Variants in TCF25 observed in about 807,000 individuals in gnomAD.
The protein encoded by TCF25 is TCF25 ribosome quality control complex subunit, also known as ribosome quality control complex subunit TCF25.
In TCF25, 41 loss-of-function variants were observed where a neutral mutation model predicts 83.1. That is an observed-to-expected ratio of 0.49 (90% CI 0.38 to 0.64). The LOEUF is 0.64. Among genes scored for constraint, TCF25 ranks in the 30% least tolerant of loss-of-function variants. TCF25 has a pLI of 0.00. For synonymous variants in TCF25, 458 were observed against 365.0 expected (o/e 1.25, Z -2.90); for missense variants, 979 against 914.5 (o/e 1.07, Z -0.91).
chr16:89,899,281 T>C (rs1361656519), intron 11 of TCF25, among the ~76,000 whole-genome samples: 2 of 152,196 alleles, frequency 1.3e-5, no homozygotes, highest in East Asian at 3.9e-4. Context: ...AGCACGTCTG[T>C]CCTGTTCCAT....
chr16:89,891,725 G>T (rs1288398033), intron 5 of TCF25, among the ~76,000 whole-genome samples: 1 of 152,186 alleles, frequency 6.6e-6, no homozygotes, highest in African/African-American at 2.4e-5. Context: ...TTAGTACGTT[G>T]TTCTCTTTCT....
intron 16 of TCF25, among the ~76,000 whole-genome samples, chr16:89,908,681 A>T (rs1035484269): frequency 3.0e-3 from 33 of 10,972 alleles, no homozygotes; most frequent in East Asian, 9.5e-3. Flanking sequence ...CCCTCCTCCC[A>T]GCTCCCACCT....
chr16:89,910,688 T>C, intron 17 of TCF25, 25 bp downstream of exon 17: 8 of 1,611,726 alleles, frequency 5.0e-6, no homozygotes, highest in Middle Eastern at 1.7e-4. Flanking sequence ...TCCCAGCCCC[T>C]GCCTCCCCAG....
At chr16:89,910,915 G>A (rs1003780868) in intron 17 of TCF25, among the ~76,000 whole-genome samples, 165 bp from the exon 18 acceptor site, 3 of 152,340 alleles carry the variant, frequency 2.0e-5, no homozygotes, top group Admixed American at 6.5e-5. Flanking sequence ...GTCTAGACAC[G>A]GCATTTGGTT....
intron 5 of TCF25, among the ~76,000 whole-genome samples, chr16:89,888,953 C>G (rs2043219797): frequency 6.7e-6 from 1 of 149,446 alleles, no homozygotes; most frequent in African/African-American, 2.5e-5. Flanking sequence ...TCCCAAAGTG[C>G]TGGGATTACA....
chr16:89,873,613 C>T lies in TCF25; in HGVS notation c.-55C>T. The T allele has an allele frequency of 2.1e-6, 3 of 1,443,444 alleles. No individual in the cohort carries two copies. Among genetic ancestry groups the T allele is most frequent in the South Asian group, 1.4e-5 (1 of 68,982 alleles). The allele number at this position is 1,443,444 out of a possible 1,614,324, so 89.4% of individuals were successfully genotyped here. A position where few individuals can be genotyped will look rare whatever the true frequency, so the allele number is the denominator to read the frequency against. On this transcript the variant is annotated 5_prime_UTR_variant, in exon 1 of 18. Coordinates refer to ENST00000263346, the MANE Select transcript of TCF25 (RefSeq NM_014972.3). ...AAGAGTGCGCAGGCGCGCCGACAGC[C>T]GAGTTTTCTGCGCTTCCTTCTCCCT...
intron 16 of TCF25, among the ~76,000 whole-genome samples, chr16:89,907,633 T>TCCTCC (rs2044999633): frequency 5.8e-5 from 1 of 17,234 alleles, no homozygotes; most frequent in Non-Finnish European, 1.2e-4. Context: ...CCCGCCTCCC[T>TCCTCC]CATCCTAGTT....
chr16:89,892,099 T>G, intron 5 of TCF25, 94 bp from the exon 6 acceptor site: 2 of 1,252,554 alleles, frequency 1.6e-6, no homozygotes, highest in Non-Finnish European at 1.1e-6. Context: ...CCCCTCAGTT[T>G]TGCTTCCACA....
chr16:89,884,448 T>G, intron 2 of TCF25, 134 bp from the exon 3 acceptor site: 1 of 831,634 alleles, frequency 1.2e-6, no homozygotes, highest in Non-Finnish European at 1.9e-6. Context: ...GAGAGTGAGT[T>G]GAAGGAACTT....
intron 14 of TCF25, among the ~76,000 whole-genome samples, chr16:89,905,565 TGTGCATCAGCACC>T (rs1234810553): frequency 6.6e-6 from 1 of 152,246 alleles, no homozygotes; most frequent in East Asian, 1.9e-4. Flanking sequence ...GTGCTAGTTC[TGTGCATCAGCACC>T]GTGGCTCTGT....
In TCF25 at chr16:89,911,093, A is replaced by T; in HGVS notation, c.1886A>T (p.Glu629Val). Residue 629 changes from glutamate (E) to valine (V), a missense_variant, in exon 18 of 18, where the codon GAG becomes GTG. Transcript: ENST00000263346. Reference protein sequence around the residue: ...PNYTMEGERPEEGVAGGLNRN... With the variant: ...PNYTMEGERPVEGVAGGLNRN... Reference sequence around the variant, plus strand: ...CCCTTGCTGCAGGGGGAGAGGCCCGAGGAAGGAGTGGCTGGGGGTCTGAAC... The same window carrying T: ...CCCTTGCTGCAGGGGGAGAGGCCCGTGGAAGGAGTGGCTGGGGGTCTGAAC... 1 of 1,610,982 alleles carries T rather than the reference A, an allele frequency of 6.2e-7. No individual in the cohort carries two copies. Among genetic ancestry groups the T allele is most frequent in the Non-Finnish European group, 8.5e-7 (1 of 1,179,832 alleles).
At chr16:89,879,410 C>T (rs1385368301) in intron 1 of TCF25, among the ~76,000 whole-genome samples, 5 of 143,276 alleles carry the variant, frequency 3.5e-5, no homozygotes, top group South Asian at 4.7e-4. Context: ...ACGTGTTGTC[C>T]GTGTACACAG....
chr16:89,878,434 ATTTTTT>A (rs34120033), intron 1 of TCF25: 35 of 1,006,020 alleles, frequency 3.5e-5, no homozygotes, highest in East Asian at 1.6e-4. Flanking sequence ...AAAAATCACC[ATTTTTT>A]TTTTTTTTTT....
Position 89,893,882 on chromosome 16 carries a change from A to G in TCF25, c.828+24A>G, listed in dbSNP as rs775585502. ...TGGTGCGTGGTCCCTGCAGCCCCTG[A>G]CAGGAGCAGGGGCCATGTAGCCACC... On this transcript the variant is annotated intron_variant, in intron 7 of 17. Transcript: ENST00000263346. 3 of 1,585,556 alleles carry G rather than the reference A, an allele frequency of 1.9e-6. No homozygotes were observed. The East Asian group carries it at 7.0e-5, about 37-fold the overall frequency.
chr16:89,888,830 C>T lies in TCF25; in HGVS notation c.614+1113C>T, dbSNP rs1047853179. On this transcript the variant is annotated intron_variant, in intron 5 of 17. Coordinates refer to ENST00000263346, the MANE Select transcript of TCF25 (RefSeq NM_014972.3). ...CTGGGATTGCAGGTGCACGCCACCA[C>T]GCCCAGCTAATTTTTTTTTTTTTTT... 5.4e-5 allele frequency among the ~76,000 whole-genome samples: 8 copies of T among 148,966 alleles called. No homozygotes were observed. The East Asian group carries it at 9.9e-4, about 18-fold the overall frequency.
At chr16:89,890,674 G>C (rs752118651) in intron 5 of TCF25, 1 of 151,924 alleles carries the variant, frequency 6.6e-6, no homozygotes, top group Non-Finnish European at 1.5e-5. Context: ...GTTCCACCTC[G>C]TCCCACCCTT....
intron 7 of TCF25, among the ~76,000 whole-genome samples, chr16:89,894,225 C>T (rs1054103268): frequency 2.6e-5 from 4 of 151,468 alleles, no homozygotes; most frequent in Admixed American, 2.0e-4. Flanking sequence ...CCCGTGCAGC[C>T]CCCGGACGGC....
rs2041934322 is a variant in TCF25, at chr16:89,873,830, G to A, written c.163G>A (p.Gly55Ser). The change falls in exon 1 of 18, where the codon GGC becomes AGC. Residue 55 changes from glycine (G) to serine (S), a missense_variant. Transcript: ENST00000263346. ...VRRPGGAGKE[G>S]VRVNNRFELI... ...GCGTCCCGGGGGCGCAGGGAAGGAGGGCGTCCGAGTCAACAACCGCTTCGA... is the reference window on the plus strand; with the variant it reads ...GCGTCCCGGGGGCGCAGGGAAGGAGAGCGTCCGAGTCAACAACCGCTTCGA... 2.5e-6 allele frequency: 4 copies of A among 1,578,820 alleles called. No homozygotes were observed. The highest frequency in any genetic ancestry group is 3.4e-6 in the Non-Finnish European group (4 of 1,165,116).
rs754167460 is a variant in TCF25, at chr16:89,904,766, C to T, written c.1470-172C>T. 2.1e-5 allele frequency: 16 copies of T among 768,628 alleles called. No homozygotes were observed. In the East Asian group the frequency reaches 4.3e-4, roughly 21 times the overall value. 47.6% of individuals were successfully genotyped at this position (768,628 alleles called of 1,614,324 possible). On this transcript the variant is annotated intron_variant, in intron 13 of 17. Coordinates refer to ENST00000263346, the MANE Select transcript of TCF25 (RefSeq NM_014972.3). ...CTGCCCAACAGGCTCACGGCACATACCTGTGTGCCCCAGCCCCACGCCCTC... is the reference window on the plus strand; with the variant it reads ...CTGCCCAACAGGCTCACGGCACATATCTGTGTGCCCCAGCCCCACGCCCTC...
Sources: allele counts gnomAD v4.1 joint callset (sites outside exome capture counted in the v4.1 genomes callset), GRCh38; gene constraint gnomAD v4.1.1; transcripts MANE v1.5; gene names NCBI Gene and HGNC (gene_info 2026-07-23, HGNC 2026-07-21).